CORIN: variants seen among roughly 807,000 people sequenced by gnomAD.
The protein encoded by CORIN is atrial natriuretic peptide-converting enzyme.
A neutral mutation model predicts 125.3 loss-of-function variants in CORIN; 117 were observed. The ratio of observed to expected loss-of-function variants is 0.93; its 90% CI spans 0.80 to 1.09. The LOEUF (loss-of-function observed/expected upper bound fraction) is 1.09. CORIN is among the 50% of genes least tolerant of loss of function. The probability of loss-of-function intolerance (pLI) is 0.00; values close to 1 mark genes in which losing one functional copy is unlikely to be tolerated. For missense variants in CORIN, 1,253 were observed against 1,306.7 expected, an observed-to-expected ratio of 0.96 and a Z score of 0.63; for synonymous variants, 450 against 466.4, an observed-to-expected ratio of 0.96 and a Z score of 0.45.
intron 8 of CORIN, among the ~76,000 whole-genome samples, 159 bp from the exon 9 acceptor site, chr4:47,678,213 T>G (rs188416746): frequency 6.6e-6 from 1 of 152,360 alleles, no homozygotes; most frequent in East Asian, 1.9e-4. Context: ...GAATTTTTCC[T>G]GCCTTATTGA....
At chr4:47,677,235 T>C (rs1725063077) in intron 9 of CORIN, among the ~76,000 whole-genome samples, 1 of 152,180 alleles carries the variant, frequency 6.6e-6, no homozygotes, top group Non-Finnish European at 1.5e-5. Flanking sequence ...GTAAGTATCT[T>C]GCCAAAAGTC....
Position 47,623,756 on chromosome 4 carries a change from G to A in CORIN, c.2366-11C>T, listed in dbSNP as rs76975373. 781 of 1,613,896 alleles carry A rather than the reference G, an allele frequency of 4.8e-4. 5 individuals carry two copies. In the African/African-American group the frequency reaches 8.7e-3, roughly 18 times the overall value. On this transcript the variant is annotated splice_polypyrimidine_tract_variant and intron_variant, in intron 18 of 21. Coordinates refer to ENST00000273857, the MANE Select transcript of CORIN (RefSeq NM_006587.4). ...GGCGGCGCCCACAGTCTACCAAGGAGCAGAAGACACAGTTTGTGAGTTGAT... is the reference window on the plus strand; with the variant it reads ...GGCGGCGCCCACAGTCTACCAAGGAACAGAAGACACAGTTTGTGAGTTGAT...
At chr4:47,618,813 G>C (rs1722186304) in intron 19 of CORIN, among the ~76,000 whole-genome samples, 1 of 139,960 alleles carries the variant, frequency 7.1e-6, no homozygotes. Context: ...GCGAGACTCT[G>C]TCTCACAAAA....
intron 5 of CORIN, among the ~76,000 whole-genome samples, chr4:47,715,794 T>C (rs1727063195): frequency 6.6e-6 from 1 of 152,206 alleles, no homozygotes; most frequent in Non-Finnish European, 1.5e-5. Context: ...GCTTTTTCCT[T>C]TCCACTGAGG....
At chr4:47,639,117 C>T (rs1006668270) in intron 16 of CORIN, among the ~76,000 whole-genome samples, 8 of 150,924 alleles carry the variant, frequency 5.3e-5, no homozygotes, top group African/African-American at 2.0e-4. Context: ...AAGAATGATC[C>T]ACTTGGAATT....
intron 4 of CORIN, among the ~76,000 whole-genome samples, chr4:47,745,545 TAG>T (rs1190169820): frequency 6.6e-6 from 1 of 152,210 alleles, no homozygotes; most frequent in Non-Finnish European, 1.5e-5. Context: ...TCAAATGAGA[TAG>T]TTCCAGGGAG....
In CORIN at chr4:47,618,506, C is replaced by T. The variant is rs530632546; in HGVS notation, c.2540+5065G>A. On this transcript the variant is annotated intron_variant, in intron 19 of 21. Transcript: ENST00000273857. Reference sequence around the variant, plus strand: ...AGTGAGAAGTGATGAACCCAGGGAACGAGGTAAGTTGAGGGAAGGAAAGGA... The same window carrying T: ...AGTGAGAAGTGATGAACCCAGGGAATGAGGTAAGTTGAGGGAAGGAAAGGA... Among the ~76,000 whole-genome samples, 16 of 151,158 alleles carry T rather than the reference C, an allele frequency of 1.1e-4. No individual in the cohort carries two copies. The East Asian group carries it at 1.8e-3, about 17-fold the overall frequency.
chr4:47,754,957 A>C (rs962077685), intron 4 of CORIN, among the ~76,000 whole-genome samples: 2 of 152,132 alleles, frequency 1.3e-5, no homozygotes, highest in African/African-American at 4.8e-5. Flanking sequence ...TTTTTGAGAA[A>C]ACCTATGCTA....
chr4:47,804,128 A>G (rs943886469), intron 2 of CORIN, among the ~76,000 whole-genome samples: 1 of 152,262 alleles, frequency 6.6e-6, no homozygotes, highest in Admixed American at 6.5e-5. Context: ...TGACCATCAG[A>G]GAAATGCAAA....
At chr4:47,823,846 A>G (rs1279679188) in intron 1 of CORIN, among the ~76,000 whole-genome samples, 3 of 152,110 alleles carry the variant, frequency 2.0e-5, no homozygotes, top group Admixed American at 6.6e-5. Flanking sequence ...TGGCTCTCCT[A>G]TGCATGGACA....
chr4:47,773,720 A>G (rs1730164970), intron 3 of CORIN, among the ~76,000 whole-genome samples: 8 of 152,106 alleles, frequency 5.3e-5, no homozygotes, highest in Admixed American at 5.2e-4. Context: ...TAAAATACAC[A>G]TAAAACATGT....
chr4:47,636,018 G>A (rs1577765668), intron 16 of CORIN, among the ~76,000 whole-genome samples: 1 of 152,204 alleles, frequency 6.6e-6, no homozygotes, highest in African/African-American at 2.4e-5. Flanking sequence ...ATGACTGGGA[G>A]TAAATTTTAG....
chr4:47,699,621 T>C (rs1050238819), intron 5 of CORIN, among the ~76,000 whole-genome samples: 2 of 152,210 alleles, frequency 1.3e-5, no homozygotes, highest in Non-Finnish European at 2.9e-5. Flanking sequence ...GATAAATAAA[T>C]GAAGACTGAG....
intron 3 of CORIN, among the ~76,000 whole-genome samples, chr4:47,775,599 T>G (rs1490177013): frequency 6.6e-6 from 1 of 152,078 alleles, no homozygotes; most frequent in Non-Finnish European, 1.5e-5. Context: ...TGCCACATTT[T>G]CTTAATGACT....
intron 5 of CORIN, among the ~76,000 whole-genome samples, chr4:47,728,014 G>T (rs1304851249): frequency 3.3e-5 from 5 of 152,126 alleles, no homozygotes; most frequent in South Asian, 2.1e-4. Flanking sequence ...GTTTAAATGT[G>T]TGCAGGGTTT....
At chr4:47,825,532 T>C (rs1405733520) in intron 1 of CORIN, among the ~76,000 whole-genome samples, 1 of 152,084 alleles carries the variant, frequency 6.6e-6, no homozygotes, top group Non-Finnish European at 1.5e-5. Flanking sequence ...TAATCACACA[T>C]TCGCTAACAT....
intron 6 of CORIN, 118 bp from the exon 7 acceptor site, chr4:47,683,956 C>T: frequency 1.5e-6 from 1 of 678,182 alleles, no homozygotes; most frequent in Non-Finnish European, 2.4e-6. Flanking sequence ...TGGTCCACAC[C>T]TATTGTTTTA....
At chr4:47,823,795 G>A (rs1003823467) in intron 1 of CORIN, among the ~76,000 whole-genome samples, 2 of 152,172 alleles carry the variant, frequency 1.3e-5, no homozygotes, top group Admixed American at 6.5e-5. Flanking sequence ...CCATGTGGGC[G>A]CCATGCTCAC....
At chr4:47,649,515 G>T (rs1035526850) in intron 13 of CORIN, among the ~76,000 whole-genome samples, 1 of 152,218 alleles carries the variant, frequency 6.6e-6, no homozygotes, top group African/African-American at 2.4e-5. Context: ...TGAGTTCCCA[G>T]TTATTAGCTT....
Sources: allele counts gnomAD v4.1 joint callset (sites outside exome capture counted in the v4.1 genomes callset), GRCh38; gene constraint gnomAD v4.1.1; transcripts MANE v1.5; gene names NCBI Gene and HGNC (gene_info 2026-07-23, HGNC 2026-07-21).